The following NEXN variants were observed in gnomAD, a reference collection of about 807,000 sequenced individuals.
NEXN encodes the protein nexilin.
A neutral mutation model predicts 92.6 loss-of-function variants in NEXN; 65 were observed. That is an observed-to-expected ratio of 0.70 (90% CI 0.57 to 0.86). The LOEUF (loss-of-function observed/expected upper bound fraction) is 0.86, where lower values mean the gene tolerates loss of function less well. Ranked by LOEUF, NEXN falls within the 40% of genes least tolerant of loss-of-function variation. NEXN has a pLI of 0.00. For synonymous variants in NEXN, 254 were observed against 242.5 expected (o/e 1.05, Z -0.44); for missense variants, 778 against 771.1 (o/e 1.01, Z -0.11).
intron 11 of NEXN, among the ~76,000 whole-genome samples, chr1:77,937,797 A>G (rs540445096): frequency 3.3e-5 from 5 of 152,270 alleles, no homozygotes; most frequent in Non-Finnish European, 4.4e-5. Context: ...CCCTGTTCAT[A>G]TAGTGTTTAG....
At chr1:77,920,332 T>C (rs1380150862) in intron 5 of NEXN, among the ~76,000 whole-genome samples, 3 of 152,168 alleles carry the variant, frequency 2.0e-5, no homozygotes, top group Non-Finnish European at 2.9e-5. Context: ...AAGAAGAGTT[T>C]TAATGTTTGC....
At chr1:77,902,875 C>A (rs1647830003) in intron 1 of NEXN, among the ~76,000 whole-genome samples, 1 of 152,106 alleles carries the variant, frequency 6.6e-6, no homozygotes. Flanking sequence ...GGAGAAAAAT[C>A]ACCATTTCCA....
intron 1 of NEXN, among the ~76,000 whole-genome samples, chr1:77,891,747 T>TAAAAAA (rs373772489): frequency 7.8e-6 from 1 of 129,030 alleles, no homozygotes; most frequent in Non-Finnish European, 1.6e-5. Flanking sequence ...GGAAAAAAAG[T>TAAAAAA]AAAAAAAAAA....
At chr1:77,898,038 A>G (rs1165592191) in intron 1 of NEXN, among the ~76,000 whole-genome samples, 2 of 152,240 alleles carry the variant, frequency 1.3e-5, no homozygotes, top group Admixed American at 1.3e-4. Flanking sequence ...AGAACATTCC[A>G]TGCTCATGCA....
rs577229227 is a variant in NEXN, at chr1:77,918,141, A to T, written c.315A>T (p.Arg105Ser). The change falls in exon 5 of 13, where the codon AGA (arginine) becomes AGT (serine). Residue 105 changes from arginine (R) to serine (S), a missense_variant. By Grantham distance (110) the Arg-to-Ser change is moderately radical (BLOSUM62 -1). Around this residue, in one of 3 missense-constraint regions of NEXN, gnomAD observed 236 missense variants for 265.6 expected, o/e 0.89. Transcript: ENST00000334785. ...VPKLTGTVKG[R>S]FAEMEKQRQE... ...TATTTTTAGGAACTGTGAAGGGTAG[A>T]TTTGCTGAAATGGAGAAACAAAGAC... 1 of 1,614,060 alleles carries T rather than the reference A, an allele frequency of 6.2e-7. No homozygotes were observed. Among genetic ancestry groups the T allele is most frequent in the Admixed American group, 1.7e-5 (1 of 60,012 alleles).
At chr1:77,913,790 T>C (rs1003675909) in intron 1 of NEXN, among the ~76,000 whole-genome samples, 15 of 152,216 alleles carry the variant, frequency 9.9e-5, no homozygotes, top group Admixed American at 6.5e-5. Context: ...TGCATACAGA[T>C]ATTTATGTCA....
At chr1:77,904,889 A>T (rs1277758772) in intron 1 of NEXN, among the ~76,000 whole-genome samples, 1 of 152,216 alleles carries the variant, frequency 6.6e-6, no homozygotes, top group Non-Finnish European at 1.5e-5. Context: ...TGTTAATAGC[A>T]TGAGAATAGA....
intron 2 of NEXN, among the ~76,000 whole-genome samples, chr1:77,916,450 T>C (rs1209322943): frequency 6.6e-6 from 1 of 152,168 alleles, no homozygotes; most frequent in East Asian, 1.9e-4. Context: ...ATTATTTTAG[T>C]ATTAAAACAA....
At chr1:77,939,250 TG>T (rs1651051830) in intron 11 of NEXN, among the ~76,000 whole-genome samples, 2 of 152,046 alleles carry the variant, frequency 1.3e-5, no homozygotes. Flanking sequence ...TCTGGGGAGT[TG>T]GGGTGAATAG....
At chr1:77,908,393 T>TC (rs1648309704) in intron 1 of NEXN, among the ~76,000 whole-genome samples, 3 of 60,012 alleles carry the variant, frequency 5.0e-5, no homozygotes, top group Non-Finnish European at 9.3e-5. Context: ...CCCCTACCTC[T>TC]ATTTTTTTTT....
chr1:77,919,781 G>A (rs1469613675), intron 5 of NEXN, among the ~76,000 whole-genome samples: 1 of 152,112 alleles, frequency 6.6e-6, no homozygotes, highest in African/African-American at 2.4e-5. Context: ...TGTATTTTTA[G>A]TGGAGACGGG....
intron 5 of NEXN, among the ~76,000 whole-genome samples, chr1:77,922,446 TG>T (rs1649500791): frequency 6.6e-6 from 1 of 151,384 alleles, no homozygotes; most frequent in Admixed American, 6.6e-5. Flanking sequence ...AGAAGTCTTT[TG>T]TAATTATTTT....
intron 5 of NEXN, 104 bp downstream of exon 5, chr1:77,918,377 T>G: frequency 1.5e-6 from 2 of 1,330,644 alleles, no homozygotes; most frequent in Non-Finnish European, 2.1e-6. Flanking sequence ...AACATAAACC[T>G]ATTAAAAAGC....
At chr1:77,910,178 A>G (rs756440805) in intron 1 of NEXN, among the ~76,000 whole-genome samples, 3 of 152,252 alleles carry the variant, frequency 2.0e-5, no homozygotes, top group Non-Finnish European at 2.9e-5. Flanking sequence ...CAGTAAACTT[A>G]GTCTGATAAA....
At chr1:77,931,073 T>C (rs1183172412) in intron 9 of NEXN, among the ~76,000 whole-genome samples, 4 of 152,030 alleles carry the variant, frequency 2.6e-5, no homozygotes, top group Non-Finnish European at 4.4e-5. Context: ...ACTTAATTTT[T>C]GGAGAATAAG....
intron 1 of NEXN, among the ~76,000 whole-genome samples, chr1:77,906,029 G>C (rs1190674071): frequency 3.3e-5 from 5 of 152,066 alleles, no homozygotes; most frequent in African/African-American, 1.2e-4. Flanking sequence ...GAGAAGAAAA[G>C]GGCAAAGATT....
intron 11 of NEXN, 59 bp from the exon 12 acceptor site, chr1:77,941,964 T>A: frequency 6.6e-7 from 1 of 1,523,042 alleles, no homozygotes; most frequent in Non-Finnish European, 9.0e-7. Context: ...TTAGAACTAG[T>A]AACGCTTCTT....
chr1:77,890,020 A>G (rs755256772), intron 1 of NEXN, among the ~76,000 whole-genome samples: 2 of 152,216 alleles, frequency 1.3e-5, no homozygotes, highest in Non-Finnish European at 2.9e-5. Context: ...TGCTGCAGTT[A>G]GAAAACTTTG....
chr1:77,939,413 A>G (rs1430742917), intron 11 of NEXN, among the ~76,000 whole-genome samples: 4 of 152,226 alleles, frequency 2.6e-5, no homozygotes, highest in Non-Finnish European at 4.4e-5. Flanking sequence ...TTAATTGTTG[A>G]AAGTGAATTA....
Sources: allele counts gnomAD v4.1 joint callset (sites outside exome capture counted in the v4.1 genomes callset), GRCh38; gene constraint gnomAD v4.1.1; regional missense constraint gnomAD v4.1.1; transcripts MANE v1.5; gene names NCBI Gene and HGNC (gene_info 2026-07-23, HGNC 2026-07-21).